WDR17: variants seen among roughly 807,000 people sequenced by gnomAD.
The protein encoded by WDR17 is WD repeat domain 17, also known as WD repeat-containing protein 17.
WDR17 carries 143 observed loss-of-function variants against 161.7 expected under a neutral mutation model. That is an observed-to-expected ratio of 0.88 (90% CI 0.77 to 1.02). The LOEUF is 1.02. WDR17 is among the 50% of genes least tolerant of loss of function. The pLI is 0.00. For synonymous variants in WDR17, 517 were observed against 515.6 expected (o/e 1.00, Z -0.04); for missense variants, 1,469 against 1,520.9 (o/e 0.97, Z 0.57).
chr4:176,163,477 A>G lies in WDR17; in HGVS notation c.2990+184A>G, dbSNP rs537935986. Among the ~76,000 whole-genome samples the G allele has an allele frequency of 3.3e-5, 5 of 152,348 alleles. No homozygotes were observed. The South Asian group carries it at 1.0e-3, about 32-fold the overall frequency. ...TAATGATGAGAACTATCATGGTTGT[A>G]TAATGAAATTTGCCATGATCCATTC... On this transcript the variant is annotated intron_variant, in intron 22 of 28. Transcript: ENST00000508596.
At chr4:176,123,486 T>C (rs1302941806) in intron 4 of WDR17, among the ~76,000 whole-genome samples, 6 of 152,238 alleles carry the variant, frequency 3.9e-5, no homozygotes, top group Non-Finnish European at 7.3e-5. Context: ...CCTGTGTTTC[T>C]GAATGACTGG....
intron 1 of WDR17, among the ~76,000 whole-genome samples, chr4:176,067,224 A>C (rs568428522): frequency 6.6e-6 from 1 of 152,314 alleles, no homozygotes; most frequent in Admixed American, 6.5e-5. Context: ...GTGGTCTGAG[A>C]ACCTTTCCCC....
chr4:176,169,559 T>G (rs927166678), intron 23 of WDR17, among the ~76,000 whole-genome samples: 3 of 151,998 alleles, frequency 2.0e-5, no homozygotes, highest in Non-Finnish European at 1.5e-5. Context: ...TACAGTTTCT[T>G]TTAAGAAAAT....
At chr4:176,127,812 G>C (rs1742701079) in intron 5 of WDR17, among the ~76,000 whole-genome samples, 1 of 152,028 alleles carries the variant, frequency 6.6e-6, no homozygotes, top group Admixed American at 6.6e-5. Flanking sequence ...TACAGTCCCG[G>C]ATACACACAT....
intron 25 of WDR17, among the ~76,000 whole-genome samples, chr4:176,174,043 T>C (rs554522644): frequency 1.3e-5 from 2 of 151,926 alleles, no homozygotes; most frequent in Non-Finnish European, 2.9e-5. Flanking sequence ...ATACTGAGCT[T>C]GTGGGAAAGA....
At chr4:176,159,868 A>C (rs900600068) in intron 18 of WDR17, 126 bp from the exon 19 acceptor site, 194 of 858,790 alleles carry the variant, frequency 2.3e-4, no homozygotes, top group Non-Finnish European at 3.0e-4. Flanking sequence ...GTCTTTTTTA[A>C]AAGTGGTATG....
At chr4:176,116,168 A>T (rs1349033034) in intron 3 of WDR17, among the ~76,000 whole-genome samples, 189 bp downstream of exon 3, 2 of 151,952 alleles carry the variant, frequency 1.3e-5, no homozygotes, top group Non-Finnish European at 2.9e-5. Context: ...TCATGAAATA[A>T]TTATACGTAG....
At chr4:176,089,982 C>T (rs1023582797) in intron 1 of WDR17, among the ~76,000 whole-genome samples, 1 of 152,042 alleles carries the variant, frequency 6.6e-6, no homozygotes, top group African/African-American at 2.4e-5. Context: ...TTTTGCCTGC[C>T]TGGTCATTAT....
chr4:176,181,223 C>CT lies in WDR17; in HGVS notation c.*1646dup, dbSNP rs1752121957. The CT allele has an allele frequency of 6.6e-6, 1 of 151,374 alleles. No individual in the cohort carries two copies. Among genetic ancestry groups the CT allele is most frequent in the Non-Finnish European group, 1.5e-5 (1 of 67,960 alleles). 9.4% of individuals were successfully genotyped at this position (151,374 alleles called of 1,614,324 possible). On this transcript the variant is annotated 3_prime_UTR_variant, in exon 29 of 29. Coordinates refer to ENST00000508596, the MANE Select transcript of WDR17 (RefSeq NM_181265.4). ...AAAAAAATTGCCTGTAATCCCAGCACTTCAGGAGGCCGAGATGGGCAGATC... is the reference window on the plus strand; with the variant it reads ...AAAAAAATTGCCTGTAATCCCAGCACTTTCAGGAGGCCGAGATGGGCAGATC...
rs1018938552 is a variant in WDR17, at chr4:176,180,114, T to C, written c.*535T>C. Reference sequence around the variant, plus strand: ...CTGTTTTAATAAAAGTTTTCAGTTATAAGTTTAGTAAATATTAATAAATGG... The same window carrying C: ...CTGTTTTAATAAAAGTTTTCAGTTACAAGTTTAGTAAATATTAATAAATGG... On this transcript the variant is annotated 3_prime_UTR_variant, in exon 29 of 29. Transcript: ENST00000508596. The C allele has an allele frequency of 1.3e-5, 2 of 152,150 alleles. No individual in the cohort carries two copies. The highest frequency in any genetic ancestry group is 2.9e-5 in the Non-Finnish European group (2 of 68,022). The allele number at this position is 152,150 out of a possible 1,614,324, so 9.4% of individuals were successfully genotyped here.
intron 1 of WDR17, among the ~76,000 whole-genome samples, chr4:176,103,632 TAAC>T (rs1200639477): frequency 7.4e-4 from 113 of 151,994 alleles, no homozygotes; most frequent in Non-Finnish European, 1.5e-4. Context: ...AAAAATATAA[TAAC>T]AAGTAAAATA....
intron 17 of WDR17, among the ~76,000 whole-genome samples, chr4:176,152,588 T>C (rs1277352712): frequency 8.2e-5 from 4 of 48,568 alleles, no homozygotes; most frequent in African/African-American, 2.7e-4. Flanking sequence ...CCTGGGTAAC[T>C]CCATCTCAAA....
Position 176,150,100 on chromosome 4 carries a change from T to A in WDR17, c.2105T>A (p.Ile702Asn), listed in dbSNP as rs769882094. 10 of 1,613,892 alleles carry A rather than the reference T, an allele frequency of 6.2e-6. No individual in the cohort carries two copies. The Admixed American group carries it at 1.0e-4, about 16-fold the overall frequency. The change falls in exon 15 of 29, where the codon ATT (isoleucine) becomes AAT (asparagine). Residue 702 changes from isoleucine to asparagine, a missense_variant. Transcript: ENST00000508596. Reference sequence around the variant, plus strand: ...CTGTGTGGTAAAGTGTCAAGAGATATTAGACAGGAAATAGAAAAACTAACT... The same window carrying A: ...CTGTGTGGTAAAGTGTCAAGAGATAATAGACAGGAAATAGAAAAACTAACT... The part of the protein sequence containing the change: ...PLLCGKVSRD[I>N]RQEIEKLTAN...
intron 1 of WDR17, among the ~76,000 whole-genome samples, chr4:176,086,355 A>G (rs896933561): frequency 1.3e-5 from 2 of 151,888 alleles, no homozygotes; most frequent in East Asian, 3.9e-4. Context: ...TGTTTATTCT[A>G]TCAGCTATTG....
intron 17 of WDR17, among the ~76,000 whole-genome samples, chr4:176,154,931 C>T (rs1747825873): frequency 6.6e-6 from 1 of 151,990 alleles, no homozygotes; most frequent in Non-Finnish European, 1.5e-5. Flanking sequence ...AACAATCAGC[C>T]TTTATTAAAC....
intron 27 of WDR17, 98 bp downstream of exon 27, chr4:176,177,254 T>C (rs1561225116): frequency 8.6e-7 from 1 of 1,157,460 alleles, no homozygotes; most frequent in Non-Finnish European, 1.2e-6. Flanking sequence ...TTTAGCAGAA[T>C]AATGAATCTT....
chr4:176,158,856 A>G (rs535928692), intron 18 of WDR17, among the ~76,000 whole-genome samples: 1 of 152,328 alleles, frequency 6.6e-6, no homozygotes, highest in African/African-American at 2.4e-5. Context: ...TTTATGCTTT[A>G]TAGATCCAGC....
intron 17 of WDR17, among the ~76,000 whole-genome samples, chr4:176,152,964 C>A (rs1379035839): frequency 2.6e-5 from 4 of 151,210 alleles, no homozygotes; most frequent in Non-Finnish European, 5.9e-5. Context: ...TATTTTTTTA[C>A]AGATCTAATT....
At chr4:176,117,168 A>T (rs990192330) in intron 3 of WDR17, among the ~76,000 whole-genome samples, 16 of 151,948 alleles carry the variant, frequency 1.1e-4, no homozygotes, top group African/African-American at 3.1e-4. Context: ...AAAAAAACAA[A>T]TTATTTTGGC....
Sources: allele counts gnomAD v4.1 joint callset (sites outside exome capture counted in the v4.1 genomes callset), GRCh38; gene constraint gnomAD v4.1.1; transcripts MANE v1.5; gene names NCBI Gene and HGNC (gene_info 2026-07-23, HGNC 2026-07-21).